The following CACNA1C variants were observed in gnomAD, a reference collection of about 807,000 sequenced individuals.
CACNA1C encodes the protein voltage-dependent L-type calcium channel subunit alpha-1C.
A neutral mutation model predicts 229.0 loss-of-function variants in CACNA1C; 30 were observed. The ratio of observed to expected loss-of-function variants is 0.13; its 90% CI spans 0.10 to 0.18. The LOEUF (loss-of-function observed/expected upper bound fraction) is 0.18. CACNA1C is among the 10% of genes least tolerant of loss of function. CACNA1C has a pLI of 1.00. For synonymous variants in CACNA1C, 1,114 were observed against 1,132.5 expected (o/e 0.98, Z 0.33); for missense variants, 1,658 against 2,845.0 (o/e 0.58, Z 9.49).
chr12:2,219,318 G>A (rs988982763), intron 3 of CACNA1C, among the ~76,000 whole-genome samples: 1 of 152,110 alleles, frequency 6.6e-6, no homozygotes, highest in Non-Finnish European at 1.5e-5. Flanking sequence ...CTTGACTCCT[G>A]TTACTTTTTA....
chr12:2,150,650 C>T (rs1033273371), intron 3 of CACNA1C, among the ~76,000 whole-genome samples: 11 of 152,048 alleles, frequency 7.2e-5, no homozygotes, highest in African/African-American at 1.9e-4. Context: ...GGGCATTTGG[C>T]GAAAAACACG....
intron 3 of CACNA1C, among the ~76,000 whole-genome samples, chr12:2,160,562 T>C (rs1006099481): frequency 4.6e-5 from 7 of 152,170 alleles, no homozygotes; most frequent in African/African-American, 1.7e-4. Flanking sequence ...ATTTGGAAAT[T>C]AAGGAAAATA....
chr12:2,376,826 TC>T (rs1489350031), intron 3 of CACNA1C, among the ~76,000 whole-genome samples: 1 of 152,076 alleles, frequency 6.6e-6, no homozygotes, highest in Non-Finnish European at 1.5e-5. Flanking sequence ...CCCCACCTCC[TC>T]CCTGCTTCAC....
At chr12:2,184,561 T>A (rs932711438) in intron 3 of CACNA1C, among the ~76,000 whole-genome samples, 5 of 152,246 alleles carry the variant, frequency 3.3e-5, no homozygotes, top group Non-Finnish European at 5.9e-5. Context: ...TGAGGCTACA[T>A]CTAGAATATG....
intron 1 of CACNA1C, among the ~76,000 whole-genome samples, chr12:2,064,629 C>T (rs775471481): frequency 7.2e-5 from 11 of 152,016 alleles, no homozygotes; most frequent in South Asian, 2.1e-4. Context: ...GTAAACAGTC[C>T]GGGGAGAAAA....
intron 22 of CACNA1C, among the ~76,000 whole-genome samples, chr12:2,604,342 G>T (rs1240064879): frequency 1.3e-5 from 2 of 152,132 alleles, no homozygotes; most frequent in Non-Finnish European, 2.9e-5. Flanking sequence ...TCGTTTCGGG[G>T]TGTTGTTTCC....
chr12:1,976,094 A>G (rs1311348473), intron 1 of CACNA1C, among the ~76,000 whole-genome samples: 1 of 151,868 alleles, frequency 6.6e-6, no homozygotes, highest in East Asian at 1.9e-4. Flanking sequence ...CTTTCTTTAG[A>G]TGGATAGTTT....
At position 2,120,361 on chromosome 12, in the gene CACNA1C, C is replaced by T. The variant is rs769295096; in HGVS notation, c.408C>T (p.Ala136=). The change falls in exon 3 of 47, where the codon GCC becomes GCT. Residue 136 remains alanine (A), a synonymous_variant. Transcript: ENST00000399655. ...FEIIILLTIF[A]NCVALAIYIP... is the part of the protein sequence containing the mutation. ...TAATTATTTTACTGACTATTTTTGC[C>T]AATTGTGTGGCCTTAGCGATCTATA... is the stretch of plus-strand genomic sequence containing the variant. 70 of 1,609,886 alleles carry T rather than the reference C, an allele frequency of 4.3e-5. No individual in the cohort carries two copies. The highest frequency in any genetic ancestry group is 5.7e-5 in the Non-Finnish European group (67 of 1,176,356).
intron 1 of CACNA1C, among the ~76,000 whole-genome samples, chr12:2,057,942 G>C (rs183947408): frequency 9.5e-4 from 145 of 152,252 alleles, no homozygotes; most frequent in Non-Finnish European, 1.4e-3. Context: ...CTTTAATAGG[G>C]AAAAGAACAC....
Position 2,318,424 on chromosome 12 carries a change from C to T in CACNA1C, c.478-130552C>T, listed in dbSNP as rs141094695. Among the ~76,000 whole-genome samples, 1,311 of 152,358 alleles carry T rather than the reference C, an allele frequency of 8.6e-3. 10 individuals carry two copies. Among genetic ancestry groups the T allele is most frequent in the Middle Eastern group, 0.02 (6 of 294 alleles). On this transcript the variant is annotated intron_variant, in intron 3 of 46. Coordinates refer to ENST00000399655, the MANE Select transcript of CACNA1C (RefSeq NM_000719.7). ...GTTGAGCCATAAGCCAGCACCACAT[C>T]CCCAGTAAAATCAATCCCAGTGGTG...
chr12:2,189,114 AAAAAG>A (rs1430861354), intron 3 of CACNA1C, among the ~76,000 whole-genome samples: 1 of 151,558 alleles, frequency 6.6e-6, no homozygotes, highest in Non-Finnish European at 1.5e-5. Context: ...AAAAAAAAAA[AAAAAG>A]ACACATTCCC....
At chr12:2,148,337 C>T (rs955967170) in intron 3 of CACNA1C, among the ~76,000 whole-genome samples, 2 of 151,206 alleles carry the variant, frequency 1.3e-5, no homozygotes, top group East Asian at 3.9e-4. Context: ...GGCAAGAGGG[C>T]GTCTGAACTT....
chr12:2,079,832 C>G (rs1292460038), intron 1 of CACNA1C, among the ~76,000 whole-genome samples: 1 of 152,134 alleles, frequency 6.6e-6, no homozygotes, highest in Non-Finnish European at 1.5e-5. Context: ...AATAAGCAGT[C>G]CAGGCTGAAG....
chr12:2,341,130 C>T (rs2096850650), intron 3 of CACNA1C, among the ~76,000 whole-genome samples: 1 of 152,180 alleles, frequency 6.6e-6, no homozygotes, highest in Non-Finnish European at 1.5e-5. Flanking sequence ...CTGGACAGGC[C>T]TCTTCCTGTT....
chr12:2,183,576 A>ACCC (rs113414207), intron 3 of CACNA1C, among the ~76,000 whole-genome samples: 185 of 147,442 alleles, frequency 1.3e-3, no homozygotes, highest in African/African-American at 4.3e-3. Context: ...CTGGGGACAG[A>ACCC]CCCCCCCCCG....
In CACNA1C at chr12:2,142,430, T is replaced by C. The variant is rs553082184; in HGVS notation, c.477+22000T>C. Among the ~76,000 whole-genome samples, 13 of 151,378 alleles carry C rather than the reference T, an allele frequency of 8.6e-5. 1 individual carries two copies. The highest frequency in any genetic ancestry group is 1.8e-4 in the Non-Finnish European group (12 of 67,648). ...GCACAGACAGTTCTGTACAGTACTGTACAGTACACAATACTTGATAATAAA... is the reference window on the plus strand; with the variant it reads ...GCACAGACAGTTCTGTACAGTACTGCACAGTACACAATACTTGATAATAAA... On this transcript the variant is annotated intron_variant, in intron 3 of 46. Transcript: ENST00000399655.
chr12:2,257,144 A>G (rs139869289), intron 3 of CACNA1C, among the ~76,000 whole-genome samples: 80 of 152,262 alleles, frequency 5.3e-4, no homozygotes, highest in African/African-American at 1.7e-3. Flanking sequence ...AGGAATGAAC[A>G]CAGTTGTTTG....
intron 1 of CACNA1C, among the ~76,000 whole-genome samples, chr12:2,035,865 C>T (rs980179413): frequency 2.0e-5 from 3 of 152,164 alleles, no homozygotes; most frequent in African/African-American, 7.2e-5. Flanking sequence ...TGTTCATTAC[C>T]AGCGAGTTCT....
intron 1 of CACNA1C, among the ~76,000 whole-genome samples, chr12:1,972,579 G>A (rs531115378): frequency 6.6e-6 from 1 of 152,338 alleles, no homozygotes; most frequent in South Asian, 2.1e-4. Context: ...TGAGGAATCT[G>A]TGGTCTAACA....
Sources: allele counts gnomAD v4.1 joint callset (sites outside exome capture counted in the v4.1 genomes callset), GRCh38; gene constraint gnomAD v4.1.1; transcripts MANE v1.5; gene names NCBI Gene and HGNC (gene_info 2026-07-23, HGNC 2026-07-21).